The following NAA15 variants were observed in gnomAD, a reference collection of about 807,000 sequenced individuals.
NAA15 encodes the protein N-alpha-acetyltransferase 15, NatA auxiliary subunit.
NAA15 carries 34 observed loss-of-function variants against 114.0 expected under a neutral mutation model. That is an observed-to-expected ratio of 0.30 (90% CI 0.23 to 0.40). The LOEUF (loss-of-function observed/expected upper bound fraction) is 0.40, where lower values mean the gene tolerates loss of function less well. Ranked by LOEUF, NAA15 falls within the 10% of genes least tolerant of loss-of-function variation. The pLI is 1.00. For synonymous variants in NAA15, 340 were observed against 338.0 expected (o/e 1.01, Z -0.06); for missense variants, 658 against 1,004.5 (o/e 0.66, Z 4.66).
chr4:139,335,230 A>AT (rs1296399619), intron 2 of NAA15, among the ~76,000 whole-genome samples: 7 of 152,158 alleles, frequency 4.6e-5, no homozygotes, highest in Admixed American at 4.6e-4. Context: ...ATTAAAAATT[A>AT]TTTTTGCTGA....
At chr4:139,383,686 G>T (rs1038917418) in intron 17 of NAA15, among the ~76,000 whole-genome samples, 1 of 152,246 alleles carries the variant, frequency 6.6e-6, no homozygotes, top group East Asian at 1.9e-4. Flanking sequence ...GGCCAGGTTG[G>T]TCTCGAACTC....
intron 6 of NAA15, among the ~76,000 whole-genome samples, chr4:139,347,035 C>T (rs998355904): frequency 1.4e-4 from 22 of 152,114 alleles, no homozygotes; most frequent in Non-Finnish European, 1.5e-5. Context: ...ACCCCACCCC[C>T]AGCCTCCCAC....
intron 12 of NAA15, among the ~76,000 whole-genome samples, chr4:139,360,279 TGTGTGTTCAA>T (rs1176289905): frequency 6.6e-6 from 1 of 152,104 alleles, no homozygotes; most frequent in Non-Finnish European, 1.5e-5. Flanking sequence ...GAACACACAG[TGTGTGTTCAA>T]AAGTTTCACA....
chr4:139,328,654 AC>A (rs1234257880), intron 1 of NAA15, among the ~76,000 whole-genome samples: 1 of 133,096 alleles, frequency 7.5e-6, no homozygotes, highest in Non-Finnish European at 1.6e-5. Context: ...TGTAACCTCC[AC>A]CCCCCGGGTT....
At chr4:139,381,590 T>C (rs370546302) in intron 17 of NAA15, among the ~76,000 whole-genome samples, 5 of 152,282 alleles carry the variant, frequency 3.3e-5, no homozygotes, top group African/African-American at 1.2e-4. Flanking sequence ...TAAGCTTTGT[T>C]TAATTTTCTC....
intron 15 of NAA15, among the ~76,000 whole-genome samples, chr4:139,374,940 C>A (rs866570787): frequency 3.9e-5 from 6 of 152,162 alleles, no homozygotes; most frequent in African/African-American, 1.2e-4. Flanking sequence ...TATTGATTTA[C>A]CTGCCCTATA....
chr4:139,301,913 C>T, intron 1 of NAA15, 82 bp downstream of exon 1: 1 of 1,435,010 alleles, frequency 7.0e-7, no homozygotes, highest in East Asian at 2.6e-5. Flanking sequence ...GCCCGGCGGG[C>T]ACTGAGCCAC....
intron 2 of NAA15, among the ~76,000 whole-genome samples, chr4:139,334,803 G>A (rs1057167353): frequency 3.9e-5 from 6 of 152,068 alleles, no homozygotes; most frequent in African/African-American, 1.4e-4. Context: ...ATAAGTTTTG[G>A]CAGGTCTGAT....
intron 1 of NAA15, among the ~76,000 whole-genome samples, chr4:139,331,460 T>C (rs1746996915): frequency 6.6e-6 from 1 of 151,722 alleles, no homozygotes; most frequent in African/African-American, 2.4e-5. Flanking sequence ...TTCTTTTTTT[T>C]TTTTGAGACA....
chr4:139,330,876 G>C (rs1181018581), intron 1 of NAA15, among the ~76,000 whole-genome samples: 1 of 152,130 alleles, frequency 6.6e-6, no homozygotes, highest in Non-Finnish European at 1.5e-5. Context: ...GTTTGCTGTA[G>C]TGTGAACTTA....
intron 10 of NAA15, among the ~76,000 whole-genome samples, chr4:139,354,591 G>T (rs1220424680): frequency 6.6e-6 from 1 of 152,164 alleles, no homozygotes; most frequent in East Asian, 1.9e-4. Context: ...GGGCCACTGT[G>T]TCCCACCTCG....
chr4:139,312,737 C>T (rs959163376), intron 1 of NAA15, among the ~76,000 whole-genome samples: 2 of 151,620 alleles, frequency 1.3e-5, no homozygotes, highest in Non-Finnish European at 2.9e-5. Flanking sequence ...GTCCTAGCTA[C>T]TTGGGAGGCT....
At chr4:139,301,980 C>T in intron 1 of NAA15, 149 bp downstream of exon 1, 3 of 828,410 alleles carry the variant, frequency 3.6e-6, no homozygotes, top group South Asian at 1.9e-5. Flanking sequence ...TTGCTTTGCT[C>T]CCTCTCTGTG....
intron 1 of NAA15, among the ~76,000 whole-genome samples, chr4:139,331,429 A>T (rs539357997): frequency 6.6e-6 from 1 of 151,066 alleles, no homozygotes. Context: ...ATTATATCAC[A>T]AGTTTTTTTT....
chr4:139,314,773 G>A (rs894605730), intron 1 of NAA15, among the ~76,000 whole-genome samples: 2 of 151,524 alleles, frequency 1.3e-5, no homozygotes, highest in African/African-American at 4.9e-5. Flanking sequence ...TGCCTCCCGG[G>A]TTCAAACAAT....
intron 9 of NAA15, 81 bp downstream of exon 9, chr4:139,351,692 C>G (rs182625267): frequency 2.8e-6 from 2 of 715,988 alleles, no homozygotes; most frequent in Non-Finnish European, 4.9e-6. Flanking sequence ...ATTATCTCTG[C>G]ACAGTAGTAC....
intron 1 of NAA15, among the ~76,000 whole-genome samples, chr4:139,310,455 A>G (rs915340143): frequency 2.0e-5 from 3 of 147,916 alleles, no homozygotes; most frequent in Non-Finnish European, 3.0e-5. Context: ...CTCCGTCTCA[A>G]AAAAAAAAAA....
At chr4:139,387,404 G>A (rs796566621) in intron 19 of NAA15, among the ~76,000 whole-genome samples, 2 of 152,186 alleles carry the variant, frequency 1.3e-5, no homozygotes, top group Non-Finnish European at 2.9e-5. Context: ...TGTGCCTTAA[G>A]TTGCTCTTTA....
chr4:139,347,971 G>C (rs1747643271), intron 6 of NAA15, among the ~76,000 whole-genome samples: 1 of 150,630 alleles, frequency 6.6e-6, no homozygotes, highest in African/African-American at 2.5e-5. Flanking sequence ...AGCGGAGCTT[G>C]CAGTGAGCCG....
Sources: gnomAD v4.1 joint callset for allele counts (sites outside exome capture counted in the v4.1 genomes callset) on GRCh38, gnomAD v4.1.1 for gene constraint, MANE v1.5 for transcripts, NCBI Gene and HGNC (gene_info 2026-07-23, HGNC 2026-07-21) for gene names.